AKAP19: variants seen among roughly 807,000 people sequenced by gnomAD.
AKAP19 encodes A-kinase anchoring protein 19, also known as small A-kinase anchoring protein.
the AKAP19 span, among the ~76,000 whole-genome samples, chr2:189,957,215 A>G: frequency 2.0e-5 from 3 of 152,224 alleles, no homozygotes; most frequent in Non-Finnish European, 4.4e-5. Context: ...TGCTCACGAT[A>G]TAAGGTTCAG....
At chr2:189,887,984 G>A in the AKAP19 span, among the ~76,000 whole-genome samples, 1 of 151,994 alleles carries the variant, frequency 6.6e-6, no homozygotes, top group Non-Finnish European at 1.5e-5. Context: ...GTCAATTTTG[G>A]CTTTTGTTGC....
At chr2:190,093,110 G>C in the AKAP19 span, among the ~76,000 whole-genome samples, 1 of 152,084 alleles carries the variant, frequency 6.6e-6, no homozygotes, top group Admixed American at 6.5e-5. Flanking sequence ...CAGGGCACTA[G>C]ATGAATGTTT....
the AKAP19 span, among the ~76,000 whole-genome samples, chr2:190,038,431 C>G: frequency 6.6e-6 from 1 of 152,284 alleles, no homozygotes; most frequent in African/African-American, 2.4e-5. Flanking sequence ...TACTCAATCA[C>G]TCTGGCACCA....
the AKAP19 span, among the ~76,000 whole-genome samples, chr2:189,908,835 A>G: frequency 2.0e-5 from 3 of 152,132 alleles, no homozygotes; most frequent in Non-Finnish European, 2.9e-5. Flanking sequence ...TTGTGTTACT[A>G]TTAGATGGAA....
At chr2:190,142,410 T>C in the AKAP19 span, among the ~76,000 whole-genome samples, 1 of 152,196 alleles carries the variant, frequency 6.6e-6, no homozygotes, top group African/African-American at 2.4e-5. Context: ...TGGGCCTTGC[T>C]CTCCAATATT....
At chr2:190,086,386 A>C in the AKAP19 span, among the ~76,000 whole-genome samples, 3 of 152,218 alleles carry the variant, frequency 2.0e-5, no homozygotes, top group South Asian at 6.2e-4. Flanking sequence ...GAAGATGACG[A>C]ATCTCCTAAA....
chr2:190,131,369 AT>A, the AKAP19 span, among the ~76,000 whole-genome samples: 3 of 152,226 alleles, frequency 2.0e-5, no homozygotes, highest in Admixed American at 2.0e-4. Context: ...TGAAACCTTC[AT>A]AAAAATCCCT....
At chr2:190,062,698 T>G in the AKAP19 span, 1 of 1,123,848 alleles carries the variant, frequency 8.9e-7, no homozygotes, top group Non-Finnish European at 1.3e-6. Flanking sequence ...GCATGTACAG[T>G]CTGAGAGACA....
At chr2:190,148,953 C>CTTTTTTTTTTTTT in the AKAP19 span, among the ~76,000 whole-genome samples, 4 of 134,132 alleles carry the variant, frequency 3.0e-5, no homozygotes, top group Admixed American at 7.3e-5. Flanking sequence ...TCTTTTCTTT[C>CTTTTTTTTTTTTT]TTTTTTTTTT....
chr2:190,058,807 A>T, the AKAP19 span, among the ~76,000 whole-genome samples: 30 of 152,122 alleles, frequency 2.0e-4, no homozygotes, highest in African/African-American at 7.2e-4. Flanking sequence ...ACGCAAAGAC[A>T]TACAGAGTAG....
chr2:190,076,457 A>G, the AKAP19 span, among the ~76,000 whole-genome samples: 3 of 152,136 alleles, frequency 2.0e-5, no homozygotes, highest in Non-Finnish European at 2.9e-5. Context: ...ATCCTTTAGC[A>G]TTTATTTTAC....
the AKAP19 span, among the ~76,000 whole-genome samples, chr2:190,040,368 G>C: frequency 3.3e-5 from 5 of 152,086 alleles, no homozygotes; most frequent in African/African-American, 1.2e-4. Context: ...TAATGGGGTT[G>C]TTTTTCTGTT....
chr2:190,060,024 A>G, the AKAP19 span: 5 of 1,588,100 alleles, frequency 3.1e-6, no homozygotes, highest in African/African-American at 4.0e-5. Context: ...GAATAAAAAC[A>G]TAAGGTTATT....
the AKAP19 span, among the ~76,000 whole-genome samples, chr2:190,053,768 T>A: frequency 6.6e-6 from 1 of 152,186 alleles, no homozygotes; most frequent in African/African-American, 2.4e-5. Flanking sequence ...TATAGTTTAA[T>A]CAATATTTGA....
the AKAP19 span, among the ~76,000 whole-genome samples, chr2:189,975,657 T>C: frequency 6.6e-6 from 1 of 151,560 alleles, no homozygotes; most frequent in South Asian, 2.1e-4. Context: ...TAGTCCCATA[T>C]ATCTTGGAAG....
chr2:189,977,980 A>C, the AKAP19 span, among the ~76,000 whole-genome samples: 1 of 152,208 alleles, frequency 6.6e-6, no homozygotes, highest in African/African-American at 2.4e-5. Context: ...CTTTATTATA[A>C]AATAGGTTTT....
the AKAP19 span, among the ~76,000 whole-genome samples, chr2:190,151,787 A>G: frequency 6.6e-6 from 1 of 152,176 alleles, no homozygotes; most frequent in African/African-American, 2.4e-5. Context: ...AGATCACTTG[A>G]GGCCAGGAGT....
At chr2:190,193,362 A>G in the AKAP19 span, among the ~76,000 whole-genome samples, 15 of 152,066 alleles carry the variant, frequency 9.9e-5, no homozygotes, top group East Asian at 7.7e-4. Context: ...GTCTATGTTC[A>G]TGAGGGATAT....
At chr2:190,192,268 T>G in the AKAP19 span, among the ~76,000 whole-genome samples, 6 of 152,146 alleles carry the variant, frequency 3.9e-5, no homozygotes, top group African/African-American at 1.4e-4. Context: ...CATATTTTTA[T>G]GGGTGTATCT....
Sources: allele counts gnomAD v4.1 joint callset (sites outside exome capture counted in the v4.1 genomes callset), GRCh38; gene constraint gnomAD v4.1.1; transcripts MANE v1.5; gene names NCBI Gene and HGNC (gene_info 2026-07-23, HGNC 2026-07-21).